The following LAMA4 variants were observed in gnomAD, a reference collection of about 807,000 sequenced individuals.
LAMA4 encodes laminin subunit alpha-4.
LAMA4 carries 127 observed loss-of-function variants against 207.1 expected under a neutral mutation model. The ratio of observed to expected loss-of-function variants is 0.61; its 90% CI spans 0.53 to 0.71. The LOEUF (loss-of-function observed/expected upper bound fraction) is 0.71. Ranked by LOEUF, LAMA4 falls within the 30% of genes least tolerant of loss-of-function variation. LAMA4 has a pLI of 0.00. For synonymous variants in LAMA4, 761 were observed against 816.0 expected, an observed-to-expected ratio of 0.93 and a Z score of 1.15; for missense variants, 2,093 against 2,246.5, an observed-to-expected ratio of 0.93 and a Z score of 1.38.
At chr6:112,176,705 T>C (rs1414616951) in intron 10 of LAMA4, among the ~76,000 whole-genome samples, 2 of 152,266 alleles carry the variant, frequency 1.3e-5, no homozygotes, top group African/African-American at 4.8e-5. Context: ...GCAAGTCTTA[T>C]ATTTATAATT....
chr6:112,166,130 C>A (rs1554339854), intron 12 of LAMA4: 1 of 152,026 alleles, frequency 6.6e-6, no homozygotes, highest in East Asian at 1.9e-4. Flanking sequence ...ATTATAGAAG[C>A]CTAGATAGAG....
intron 2 of LAMA4, among the ~76,000 whole-genome samples, chr6:112,224,931 T>C (rs1312150235): frequency 6.8e-6 from 1 of 147,312 alleles, no homozygotes; most frequent in Non-Finnish European, 1.5e-5. Flanking sequence ...CCTACCTTTC[T>C]TTCTCAGTTT....
Position 112,144,812 on chromosome 6 carries a change from G to A in LAMA4, c.2475C>T (p.Thr825=), listed in dbSNP as rs189313630. The A allele has an allele frequency of 1.9e-5, 31 of 1,613,596 alleles. No homozygotes were observed. In the East Asian group the frequency reaches 4.9e-4, roughly 26 times the overall value. ...CAGTTACCTTGCTGGCAACACTTCT[G>A]GTCTGAGCAATGAGCTCTCGGATCC... ...IQRIRELIAQ[T]RSVASKIQVS... Residue 825 remains threonine (T), a synonymous_variant, in exon 19 of 39, where the codon ACC becomes ACT. Transcript: ENST00000230538.
At chr6:112,184,207 G>T in intron 9 of LAMA4, among the ~76,000 whole-genome samples, 1 of 150,380 alleles carries the variant, frequency 6.6e-6, no homozygotes, top group Non-Finnish European at 1.5e-5. Flanking sequence ...GAATACTATT[G>T]TTATTTTATT....
chr6:112,153,163 T>C (rs1780498756), intron 16 of LAMA4, among the ~76,000 whole-genome samples: 2 of 152,082 alleles, frequency 1.3e-5, no homozygotes, highest in Admixed American at 1.3e-4. Context: ...ATTTGATATA[T>C]AATGAAAAGG....
intron 17 of LAMA4, 41 bp from the exon 18 acceptor site, chr6:112,148,377 C>T (rs782000587): frequency 1.5e-5 from 24 of 1,607,294 alleles, no homozygotes; most frequent in Middle Eastern, 1.7e-4. Context: ...GCAGAGAAGC[C>T]GGATATTTGT....
chr6:112,164,261 GA>G (rs1378863744), intron 13 of LAMA4: 2 of 152,510 alleles, frequency 1.3e-5, no homozygotes, highest in African/African-American at 2.4e-5. Context: ...AAGGACATGA[GA>G]GGGGTACGGT....
chr6:112,132,355 G>T (rs1009774734), intron 28 of LAMA4, among the ~76,000 whole-genome samples: 1 of 152,074 alleles, frequency 6.6e-6, no homozygotes. Flanking sequence ...TGTGACAATT[G>T]TAATGTGAAA....
At chr6:112,187,304 T>C in intron 8 of LAMA4, 146 bp downstream of exon 8, 1 of 907,832 alleles carries the variant, frequency 1.1e-6, no homozygotes, top group South Asian at 1.4e-5. Context: ...TGAAATTACT[T>C]ATGTTTTCTA....
At chr6:112,174,373 A>T (rs1285391103) in intron 11 of LAMA4, among the ~76,000 whole-genome samples, 1 of 152,252 alleles carries the variant, frequency 6.6e-6, no homozygotes, top group African/African-American at 2.4e-5. Context: ...AGTGAGCTCA[A>T]CCAATATATG....
intron 5 of LAMA4, among the ~76,000 whole-genome samples, chr6:112,200,915 G>A (rs1366049556): frequency 6.6e-6 from 1 of 151,926 alleles, no homozygotes; most frequent in Non-Finnish European, 1.5e-5. Flanking sequence ...ATAGCATTAG[G>A]AGAAATACCT....
At chr6:112,133,576 T>C in intron 26 of LAMA4, 89 bp from the exon 27 acceptor site, 1 of 1,391,534 alleles carries the variant, frequency 7.2e-7, no homozygotes, top group South Asian at 1.2e-5. Context: ...TTATTTATAG[T>C]CATTTGTAAT....
Position 112,122,195 on chromosome 6 carries a change from T to C in LAMA4, c.4294A>G (p.Lys1432Glu). ...PKASQNKKGG[K>E]SKDAPSWDPV... ...TCCCATGAAGGTGCATCTTTACTTT[T>C]CCCTCCCTATAAAAGTAAACCAAAT... The change falls in exon 32 of 39, where the codon AAA becomes GAA. Residue 1432 changes from lysine (K) to glutamate (E), a missense_variant. By Grantham distance (56) the Lys-to-Glu change is moderately conservative. This residue lies in a region of LAMA4 where 1,704 missense variants were observed against 1,788.4 expected (regional missense o/e 0.95). Transcript: ENST00000230538. The C allele has an allele frequency of 6.2e-7, 1 of 1,613,438 alleles. No homozygotes were observed. The highest frequency in any genetic ancestry group is 8.5e-7 in the Non-Finnish European group (1 of 1,179,568).
intron 16 of LAMA4, among the ~76,000 whole-genome samples, chr6:112,151,751 G>A (rs1780417801): frequency 6.6e-6 from 1 of 152,008 alleles, no homozygotes; most frequent in Admixed American, 6.6e-5. Context: ...TAGTGGAAAA[G>A]CATTCAATAT....
chr6:112,173,046 A>T lies in LAMA4; in HGVS notation c.1358-242T>A, dbSNP rs527415971. Among the ~76,000 whole-genome samples the T allele has an allele frequency of 5.3e-5, 8 of 152,304 alleles. No homozygotes were observed. The South Asian group carries it at 1.7e-3, about 32-fold the overall frequency. ...AAGGGTTTGATTAGTTTTCCCACAG[A>T]GGTTGTGCTTTTTGTGAAAACCATA... On this transcript the variant is annotated intron_variant, in intron 11 of 38. Transcript: ENST00000230538.
At chr6:112,129,103 A>G in intron 30 of LAMA4, 28 bp from the exon 31 acceptor site, 1 of 1,569,112 alleles carries the variant, frequency 6.4e-7, no homozygotes, top group African/African-American at 1.4e-5. Flanking sequence ...GAAAAAATAA[A>G]TATTAAAAAT....
chr6:112,206,894 C>T, intron 4 of LAMA4, 127 bp downstream of exon 4: 2 of 1,085,504 alleles, frequency 1.8e-6, no homozygotes, highest in Non-Finnish European at 2.8e-6. Flanking sequence ...TTTCCAGTCT[C>T]ATCTCAATAT....
Position 112,136,257 on chromosome 6 carries a change from G to C in LAMA4, c.3283-3C>G, listed in dbSNP as rs374159760. ...ATTTCCAGTCTGAAAAACATACTCT[G>C]AGGAGAGAAAGGAATTGTAAGATAG... On this transcript the variant is annotated splice_region_variant and splice_polypyrimidine_tract_variant and intron_variant, in intron 24 of 38. Coordinates refer to ENST00000230538, the MANE Select transcript of LAMA4 (RefSeq NM_001105206.3). The C allele has an allele frequency of 1.2e-4, 201 of 1,608,922 alleles. No individual in the cohort carries two copies. The highest frequency in any genetic ancestry group is 3.3e-4 in the Middle Eastern group (2 of 6,076).
rs782189528 is a variant in LAMA4, at chr6:112,201,637, G to C, written c.474C>G (p.Asn158Lys). Residue 158 changes from asparagine to lysine, a missense_variant, in exon 5 of 39, where the codon AAC (asparagine) becomes AAG (lysine). Physicochemically the swap from Asn to Lys is moderately conservative, Grantham distance 94 (BLOSUM62 0). Around this residue, in one of 3 missense-constraint regions of LAMA4, gnomAD observed 1,704 missense variants for 1,788.4 expected, o/e 0.95. Transcript: ENST00000230538. ...RKNGAVRCICNENYAGPNCER... is the reference protein window; with the variant it reads ...RKNGAVRCICKENYAGPNCER... ...CACAGTTAGGTCCAGCATAATTTTC[G>C]TTACAAATGCACCGAACAGCTCCAT... is the stretch of plus-strand genomic sequence containing the variant. 2.5e-6 allele frequency: 4 copies of C among 1,613,718 alleles called. No homozygotes were observed. In the South Asian group the frequency reaches 4.4e-5, roughly 18 times the overall value.
Sources: gnomAD v4.1 joint callset for allele counts (sites outside exome capture counted in the v4.1 genomes callset) on GRCh38, gnomAD v4.1.1 for gene constraint, gnomAD v4.1.1 regional missense constraint, MANE v1.5 for transcripts, NCBI Gene and HGNC (gene_info 2026-07-23, HGNC 2026-07-21) for gene names.